SLC33A1: variants seen among roughly 807,000 people sequenced by gnomAD.
SLC33A1 encodes acetyl-coenzyme A transporter 1.
In SLC33A1, 20 loss-of-function variants were observed where a neutral mutation model predicts 50.0. The observed-to-expected ratio is 0.40, with a 90% confidence interval of 0.28 to 0.58. The LOEUF is 0.58. Ranked by LOEUF, SLC33A1 falls within the 20% of genes least tolerant of loss-of-function variation. SLC33A1 has a pLI of 0.44. For missense variants in SLC33A1, 476 were observed against 657.0 expected (o/e 0.72, Z 3.01); for synonymous variants, 265 against 251.8 (o/e 1.05, Z -0.50).
chr3:155,853,602 G>C lies in SLC33A1; in HGVS notation c.396C>G (p.Val132=), dbSNP rs2108017654. ...TGCGACGACCGAAGTTCTTAACGTAGACCGCATCAACCAACGGGGCCCAGA... is the reference window on the plus strand; with the variant it reads ...TGCGACGACCGAAGTTCTTAACGTACACCGCATCAACCAACGGGGCCCAGA... ...KLLWAPLVDA[V]YVKNFGRRKS... The change falls in exon 1 of 6, where the codon GTC becomes GTG. Residue 132 remains valine (V), a synonymous_variant. Transcript: ENST00000643144. The C allele has an allele frequency of 6.2e-7, 1 of 1,614,148 alleles. No homozygotes were observed. The highest frequency in any genetic ancestry group is 8.5e-7 in the Non-Finnish European group (1 of 1,180,034).
intron 1 of SLC33A1, among the ~76,000 whole-genome samples, chr3:155,844,453 ATATATTTTTTTTTTTTTT>A (rs1271558813): frequency 4.0e-5 from 1 of 25,210 alleles, no homozygotes; most frequent in African/African-American, 1.2e-4. Context: ...ATATATATAT[ATATATTTTTTTTTTTTTT>A]TTTTTTTTTT....
chr3:155,836,994 T>TTG (rs1166871616), intron 2 of SLC33A1, among the ~76,000 whole-genome samples: 1 of 152,160 alleles, frequency 6.6e-6, no homozygotes, highest in Non-Finnish European at 1.5e-5. Context: ...TCAATTTCTT[T>TTG]TGTCATTAGG....
intron 1 of SLC33A1, among the ~76,000 whole-genome samples, chr3:155,848,383 C>G (rs889983650): frequency 6.6e-6 from 1 of 152,144 alleles, no homozygotes; most frequent in Admixed American, 6.6e-5. Flanking sequence ...CTTGAATATG[C>G]CTAAGATCTA....
At chr3:155,842,178 A>T (rs1013726278) in intron 2 of SLC33A1, among the ~76,000 whole-genome samples, 2 of 152,238 alleles carry the variant, frequency 1.3e-5, no homozygotes, top group African/African-American at 4.8e-5. Context: ...TAATATCATT[A>T]AGGTTCACAT....
Position 155,825,368 on chromosome 3 carries a change from T to C in SLC33A1, c.*2842A>G, listed in dbSNP as rs945360686. 2 of 151,634 alleles carry C rather than the reference T, an allele frequency of 1.3e-5. No homozygotes were observed. Among genetic ancestry groups the C allele is most frequent in the African/African-American group, 2.4e-5 (1 of 41,262 alleles). 9.4% of individuals were successfully genotyped at this position (151,634 alleles called of 1,614,324 possible). A position where few individuals can be genotyped will look rare whatever the true frequency, so the allele number is the denominator to read the frequency against. ...ACAGGTTCTTATTATATTGACCAGG[T>C]TGGTCTTGAACTCTTGACCTCAAGT... On this transcript the variant is annotated 3_prime_UTR_variant, in exon 6 of 6. Coordinates refer to ENST00000643144, the MANE Select transcript of SLC33A1 (RefSeq NM_004733.4).
At chr3:155,834,075 G>C in intron 2 of SLC33A1, 34 bp from the exon 3 acceptor site, 7 of 1,570,532 alleles carry the variant, frequency 4.5e-6, no homozygotes, top group Non-Finnish European at 6.1e-6. Context: ...ATTTTAATTC[G>C]TGACTTATGA....
chr3:155,835,924 C>T (rs1426293479), intron 2 of SLC33A1, among the ~76,000 whole-genome samples: 1 of 152,026 alleles, frequency 6.6e-6, no homozygotes, highest in Non-Finnish European at 1.5e-5. Context: ...GGCTGTGAGA[C>T]AGCAAACCTC....
At chr3:155,846,443 T>G (rs1238826144) in intron 1 of SLC33A1, among the ~76,000 whole-genome samples, 2 of 147,200 alleles carry the variant, frequency 1.4e-5, no homozygotes, top group Non-Finnish European at 2.9e-5. Context: ...ATAGATATTT[T>G]CCCACACTTC....
intron 1 of SLC33A1, among the ~76,000 whole-genome samples, chr3:155,844,445 ATATATATATATATTTTTTTTTTTTTT>A: frequency 8.1e-5 from 1 of 12,382 alleles, no homozygotes; most frequent in South Asian, 2.7e-3. Context: ...ATATATATAT[ATATATATATATATTTTTTTTTTTTTT>A]TTTTTTTTTT....
intron 4 of SLC33A1, among the ~76,000 whole-genome samples, chr3:155,831,426 C>A (rs996231514): frequency 3.9e-5 from 5 of 129,314 alleles, no homozygotes; most frequent in Non-Finnish European, 7.7e-5. Context: ...CCACTGCACT[C>A]CAGCCTGGGC....
intron 2 of SLC33A1, among the ~76,000 whole-genome samples, chr3:155,834,905 C>T (rs1560014426): frequency 6.6e-6 from 1 of 151,884 alleles, no homozygotes; most frequent in Non-Finnish European, 1.5e-5. Context: ...CTGTATTCTT[C>T]AAAAATGTCA....
rs1027955405 is a variant in SLC33A1, at chr3:155,832,662, T to C, written c.1266+806A>G. Among the ~76,000 whole-genome samples the C allele has an allele frequency of 4.6e-4, 61 of 133,112 alleles. 1 individual carries two copies. The highest frequency in any genetic ancestry group is 1.7e-3 in the African/African-American group (57 of 34,318). The allele number at this position is 133,112 out of a possible 152,430, so 87.3% of individuals were successfully genotyped here. On this transcript the variant is annotated intron_variant, in intron 4 of 5. Coordinates refer to ENST00000643144, the MANE Select transcript of SLC33A1 (RefSeq NM_004733.4). ...GGCCAATATGGTGAAACTCTGTCTC[T>C]ACTAAAAATACAGATAATTAGCCGG...
chr3:155,853,281 G>C lies in SLC33A1; in HGVS notation c.717C>G (p.Asp239Glu). Reference sequence around the variant, plus strand: ...GAAACCGCAAATATTTGTTACAAAAGTCGGCAGATTCAAGGGCCAAAAACA... The same window carrying C: ...GAAACCGCAAATATTTGTTACAAAACTCGGCAGATTCAAGGGCCAAAAACA... Reference protein sequence around the residue: ...NVLFLALESADFCNKYLRFQP... With the variant: ...NVLFLALESAEFCNKYLRFQP... The change falls in exon 1 of 6, where the codon GAC becomes GAG. Residue 239 changes from aspartate (D) to glutamate (E), a missense_variant. Asp to Glu is a conservative substitution (Grantham distance 45). Transcript: ENST00000643144. 6.2e-7 allele frequency: 1 copy of C among 1,614,002 alleles called. No homozygotes were observed. The highest frequency in any genetic ancestry group is 8.5e-7 in the Non-Finnish European group (1 of 1,179,996).
At chr3:155,831,563 G>A (rs979192393) in intron 4 of SLC33A1, among the ~76,000 whole-genome samples, 1 of 149,160 alleles carries the variant, frequency 6.7e-6, no homozygotes, top group Non-Finnish European at 1.5e-5. Flanking sequence ...AATTTATTTG[G>A]TCTTGTACCT....
chr3:155,834,520 TG>T (rs1195289894), intron 2 of SLC33A1, among the ~76,000 whole-genome samples: 1 of 152,124 alleles, frequency 6.6e-6, no homozygotes, highest in Non-Finnish European at 1.5e-5. Context: ...AAAGTAATTC[TG>T]GGAAAACGTA....
intron 5 of SLC33A1, among the ~76,000 whole-genome samples, chr3:155,829,011 C>T (rs1371062970): frequency 1.3e-5 from 2 of 151,676 alleles, no homozygotes; most frequent in African/African-American, 4.8e-5. Context: ...TAGCAATTCT[C>T]CTGTCTCAGC....
intron 2 of SLC33A1, 137 bp from the exon 3 acceptor site, chr3:155,834,178 C>T (rs182365024): frequency 1.8e-5 from 12 of 673,416 alleles, no homozygotes; most frequent in Non-Finnish European, 2.6e-6. Context: ...ATTATTATAC[C>T]TGGTACAACA....
intron 4 of SLC33A1, among the ~76,000 whole-genome samples, chr3:155,832,215 T>TA (rs945253399): frequency 6.6e-6 from 1 of 151,900 alleles, no homozygotes. Context: ...CCGTCTCTAC[T>TA]AAAAAAATAC....
At chr3:155,837,778 T>C (rs533633293) in intron 2 of SLC33A1, among the ~76,000 whole-genome samples, 21 of 152,294 alleles carry the variant, frequency 1.4e-4, no homozygotes, top group Middle Eastern at 6.8e-3. Flanking sequence ...AAATATATAT[T>C]GTATAGTCCA....
Sources: allele counts gnomAD v4.1 joint callset (sites outside exome capture counted in the v4.1 genomes callset), GRCh38; gene constraint gnomAD v4.1.1; transcripts MANE v1.5; gene names NCBI Gene and HGNC (gene_info 2026-07-23, HGNC 2026-07-21).